SLC36A1: variants seen among roughly 807,000 people sequenced by gnomAD.
The protein encoded by SLC36A1 is solute carrier family 36 member 1.
In SLC36A1, 30 loss-of-function variants were observed where a neutral mutation model predicts 47.5. The observed-to-expected ratio is 0.63, with a 90% CI of 0.47 to 0.86. SLC36A1 has a LOEUF of 0.86. Ranked by LOEUF, SLC36A1 falls within the 40% of genes least tolerant of loss-of-function variation. The pLI is 0.00. For synonymous variants in SLC36A1, 255 were observed against 249.7 expected (o/e 1.02, Z -0.20); for missense variants, 517 against 606.0 (o/e 0.85, Z 1.54).
At chr5:151,364,200 C>T in the SLC36A1 span, among the ~76,000 whole-genome samples, 3 of 152,076 alleles carry the variant, frequency 2.0e-5, no homozygotes, top group African/African-American at 7.2e-5. Flanking sequence ...ATATTTTATG[C>T]ACTCATGACC....
chr5:151,423,216 AG>A, the SLC36A1 span, among the ~76,000 whole-genome samples: 398 of 152,332 alleles, frequency 2.6e-3, 2 homozygotes, highest in African/African-American at 8.7e-3. Flanking sequence ...CCACTTTGGA[AG>A]ATAGTTTGGC....
At chr5:151,360,428 G>A in the SLC36A1 span, among the ~76,000 whole-genome samples, 1 of 152,148 alleles carries the variant, frequency 6.6e-6, no homozygotes, top group Non-Finnish European at 1.5e-5. Flanking sequence ...ATTAAATGGA[G>A]TTGGGTCATC....
the SLC36A1 span, among the ~76,000 whole-genome samples, chr5:151,407,974 T>C: frequency 1.3e-5 from 2 of 152,228 alleles, no homozygotes; most frequent in African/African-American, 4.8e-5. Context: ...GGCCAGGCAC[T>C]GTGCTAGTGC....
chr5:151,505,828 G>C, the SLC36A1 span: 1 of 1,613,324 alleles, frequency 6.2e-7, no homozygotes, highest in Non-Finnish European at 8.5e-7. Flanking sequence ...GGGGCAACCA[G>C]GCGCTCCCGG....
chr5:151,496,426 A>T (rs1468175813), downstream of SLC36A1, among the ~76,000 whole-genome samples: 3 of 152,230 alleles, frequency 2.0e-5, no homozygotes, highest in Non-Finnish European at 4.4e-5. Context: ...TAAGCCCATT[A>T]TTCGTTTTAA....
At chr5:151,537,962 C>G in the SLC36A1 span, 2 of 1,611,890 alleles carry the variant, frequency 1.2e-6, no homozygotes, top group Non-Finnish European at 1.7e-6. Flanking sequence ...GATGGAAAGA[C>G]AAAGAAGAGG....
At chr5:151,352,735 C>G in the SLC36A1 span, among the ~76,000 whole-genome samples, 1 of 152,236 alleles carries the variant, frequency 6.6e-6, no homozygotes, top group Admixed American at 6.5e-5. Context: ...AGTGTCTTCT[C>G]TCTCTGACTC....
At chr5:151,507,122 C>T in the SLC36A1 span, 1 of 1,510,846 alleles carries the variant, frequency 6.6e-7, no homozygotes, top group Non-Finnish European at 8.9e-7. Flanking sequence ...TTCCATCAAT[C>T]CCAGAGGCTA....
intron 3 of SLC36A1, 30 bp downstream of exon 3, chr5:151,463,673 G>A (rs771406320): frequency 1.3e-6 from 2 of 1,570,664 alleles, no homozygotes; most frequent in South Asian, 1.1e-5. Flanking sequence ...GAGAGGAGTG[G>A]TGACAAATTT....
chr5:151,498,787 A>G, the SLC36A1 span, among the ~76,000 whole-genome samples: 11 of 152,162 alleles, frequency 7.2e-5, no homozygotes. Flanking sequence ...GCTAAATTGG[A>G]AGCTCTGCTT....
chr5:151,426,519 CA>C, the SLC36A1 span, among the ~76,000 whole-genome samples: 3 of 152,048 alleles, frequency 2.0e-5, no homozygotes, highest in African/African-American at 7.3e-5. Flanking sequence ...CATCTCAGTG[CA>C]GTAAAGAGCA....
At chr5:151,424,274 G>A in the SLC36A1 span, among the ~76,000 whole-genome samples, 1 of 152,196 alleles carries the variant, frequency 6.6e-6, no homozygotes, top group African/African-American at 2.4e-5. Flanking sequence ...AGAGAACAAT[G>A]ATGGAACCCA....
In SLC36A1 at chr5:151,477,271, G is replaced by A. The variant is rs192837069; in HGVS notation, c.989+515G>A. Among the ~76,000 whole-genome samples, 39 of 152,210 alleles carry A rather than the reference G, an allele frequency of 2.6e-4. No individual in the cohort carries two copies. In the East Asian group the frequency reaches 6.9e-3, roughly 27 times the overall value. ...CTTCCTGAAAGGGTGAATGTCCCAGGGCATGTGCAGAGCAACCATCCTGTT... is the reference window on the plus strand; with the variant it reads ...CTTCCTGAAAGGGTGAATGTCCCAGAGCATGTGCAGAGCAACCATCCTGTT... On this transcript the variant is annotated intron_variant, in intron 9 of 10. Coordinates refer to ENST00000243389, the MANE Select transcript of SLC36A1 (RefSeq NM_078483.4).
chr5:151,360,312 G>A, the SLC36A1 span, among the ~76,000 whole-genome samples: 24 of 152,126 alleles, frequency 1.6e-4, no homozygotes, highest in African/African-American at 4.6e-4. Flanking sequence ...CGCACACTTT[G>A]TATGTTATAT....
At chr5:151,345,262 T>G in the SLC36A1 span, among the ~76,000 whole-genome samples, 1 of 152,176 alleles carries the variant, frequency 6.6e-6, no homozygotes, top group Non-Finnish European at 1.5e-5. Context: ...GTTAGGAGAC[T>G]TATTCTTTGT....
At chr5:151,539,203 GAA>G in the SLC36A1 span, among the ~76,000 whole-genome samples, 22 of 152,178 alleles carry the variant, frequency 1.4e-4, no homozygotes, top group Admixed American at 1.4e-3. Context: ...CTTGGATCCT[GAA>G]AAGACATTTT....
chr5:151,382,072 T>C, the SLC36A1 span: 52 of 748,616 alleles, frequency 6.9e-5, no homozygotes, highest in African/African-American at 8.8e-4. Context: ...GGCACTGATG[T>C]AACCCCCAAA....
At chr5:151,496,285 G>A (rs566206223), downstream of SLC36A1, among the ~76,000 whole-genome samples, 9 of 152,250 alleles carry the variant, frequency 5.9e-5, no homozygotes, top group East Asian at 1.9e-4. Flanking sequence ...GCCTTCCGCC[G>A]CGATTGTGAG....
chr5:151,463,000 T>C (rs1455888935), intron 2 of SLC36A1, among the ~76,000 whole-genome samples: 1 of 151,954 alleles, frequency 6.6e-6, no homozygotes, highest in Non-Finnish European at 1.5e-5. Context: ...CTTAACCTCC[T>C]GAGAAGCTGG....
Sources: allele counts gnomAD v4.1 joint callset (sites outside exome capture counted in the v4.1 genomes callset), GRCh38; gene constraint gnomAD v4.1.1; transcripts MANE v1.5; gene names NCBI Gene and HGNC (gene_info 2026-07-23, HGNC 2026-07-21).